The following LDLRAD3 variants were observed in gnomAD, a reference collection of about 807,000 sequenced individuals.
LDLRAD3 encodes the protein low-density lipoprotein receptor class A domain-containing protein 3.
In LDLRAD3, 20 loss-of-function variants were observed where a neutral mutation model predicts 29.4. That is an observed-to-expected ratio of 0.68 (90% confidence interval 0.48 to 0.99). LDLRAD3 has a LOEUF of 0.99. Among genes scored for constraint, LDLRAD3 ranks in the 50% least tolerant of loss-of-function variants. LDLRAD3 has a pLI of 0.00. For synonymous variants in LDLRAD3, 157 were observed against 192.7 expected (o/e 0.81, Z 1.53); for missense variants, 420 against 454.3 (o/e 0.92, Z 0.69).
chr11:36,151,685 A>G (rs1356211798), intron 4 of LDLRAD3, among the ~76,000 whole-genome samples: 2 of 152,124 alleles, frequency 1.3e-5, no homozygotes, highest in Non-Finnish European at 2.9e-5. Context: ...ATAAATGTAT[A>G]TTGGTCAAAA....
intron 4 of LDLRAD3, among the ~76,000 whole-genome samples, chr11:36,141,342 G>A (rs1463083160): frequency 6.6e-6 from 1 of 152,102 alleles, no homozygotes; most frequent in Non-Finnish European, 1.5e-5. Context: ...CGTTTGTTTT[G>A]TAAAAACTCC....
chr11:36,171,502 C>A (rs1854598188), intron 4 of LDLRAD3, among the ~76,000 whole-genome samples: 1 of 152,152 alleles, frequency 6.6e-6, no homozygotes, highest in Admixed American at 6.5e-5. Context: ...CAGTTTCATT[C>A]TTTTACATGA....
chr11:35,991,612 T>TGG (rs1182806159), intron 1 of LDLRAD3, among the ~76,000 whole-genome samples: 2 of 152,178 alleles, frequency 1.3e-5, no homozygotes, highest in Non-Finnish European at 2.9e-5. Flanking sequence ...TTCCAACAAC[T>TGG]GGGTCTCTGT....
intron 1 of LDLRAD3, among the ~76,000 whole-genome samples, chr11:35,957,436 C>T (rs1197424985): frequency 1.3e-5 from 2 of 152,174 alleles, no homozygotes; most frequent in African/African-American, 4.8e-5. Context: ...TTACCTGGCC[C>T]CTCTGCTTTT....
chr11:36,216,898 G>C (rs1215512864), intron 4 of LDLRAD3, among the ~76,000 whole-genome samples: 1 of 152,198 alleles, frequency 6.6e-6, no homozygotes, highest in East Asian at 1.9e-4. Context: ...AGATGTTCAG[G>C]ATAAATGGGA....
intron 3 of LDLRAD3, among the ~76,000 whole-genome samples, chr11:36,092,525 C>T (rs1008076336): frequency 2.0e-5 from 3 of 152,138 alleles, no homozygotes; most frequent in Non-Finnish European, 4.4e-5. Flanking sequence ...CCTCCCTTCC[C>T]CCTGCTCACC....
chr11:36,167,508 C>T (rs947007446), intron 4 of LDLRAD3, among the ~76,000 whole-genome samples: 2 of 148,860 alleles, frequency 1.3e-5, no homozygotes, highest in Non-Finnish European at 3.0e-5. Context: ...GAGACACAGA[C>T]TCACAGGACC....
At chr11:36,034,877 G>A (rs1347142451) in intron 1 of LDLRAD3, among the ~76,000 whole-genome samples, 1 of 152,208 alleles carries the variant, frequency 6.6e-6, no homozygotes, top group Non-Finnish European at 1.5e-5. Flanking sequence ...ACGCATAAAG[G>A]ATAGTGGCCT....
At chr11:36,166,862 G>A (rs1187446522) in intron 4 of LDLRAD3, among the ~76,000 whole-genome samples, 3 of 152,186 alleles carry the variant, frequency 2.0e-5, no homozygotes, top group East Asian at 3.9e-4. Flanking sequence ...AGATGCCGCT[G>A]CTGCTGATCC....
intron 4 of LDLRAD3, among the ~76,000 whole-genome samples, chr11:36,205,436 A>AT (rs1855193399): frequency 6.6e-6 from 1 of 152,178 alleles, no homozygotes; most frequent in Admixed American, 6.5e-5. Context: ...AGGGCTGTTG[A>AT]AGGACTTTTA....
intron 2 of LDLRAD3, among the ~76,000 whole-genome samples, chr11:36,075,559 C>T (rs1327957747): frequency 6.6e-6 from 1 of 152,188 alleles, no homozygotes; most frequent in Non-Finnish European, 1.5e-5. Flanking sequence ...GATACTTTGA[C>T]ACTGTGCATA....
rs202137501 is a variant in LDLRAD3 at position 36,170,313 on chromosome 11, C to T, written c.455-56772C>T. Among the ~76,000 whole-genome samples, 27 of 145,556 alleles carry T rather than the reference C, an allele frequency of 1.9e-4. 1 individual carries two copies. Among genetic ancestry groups the T allele is most frequent in the African/African-American group, 3.5e-4 (14 of 39,608 alleles). ...ATACACACATATATATACATATATACGTATATATGTATATATGTACGTATA... is the reference window on the plus strand; with the variant it reads ...ATACACACATATATATACATATATATGTATATATGTATATATGTACGTATA... On this transcript the variant is annotated intron_variant, in intron 4 of 5. Transcript: ENST00000315571.
intron 1 of LDLRAD3, among the ~76,000 whole-genome samples, chr11:35,969,125 T>C (rs1041315320): frequency 2.6e-5 from 4 of 152,112 alleles, no homozygotes; most frequent in African/African-American, 9.7e-5. Flanking sequence ...AAGAAATCCC[T>C]AATATTCCAG....
At chr11:35,962,914 TA>T (rs889504383) in intron 1 of LDLRAD3, among the ~76,000 whole-genome samples, 1 of 152,130 alleles carries the variant, frequency 6.6e-6, no homozygotes, top group Non-Finnish European at 1.5e-5. Flanking sequence ...TGAGTGAAGA[TA>T]TGGAAATAAT....
chr11:36,183,917 T>G (rs187913075), intron 4 of LDLRAD3: 1 of 237,052 alleles, frequency 4.2e-6, no homozygotes, highest in Non-Finnish European at 8.6e-6. Context: ...ACAGTATTTT[T>G]CACTTCTAGA....
chr11:36,012,490 ACTCTTCTT>A (rs1851968669), intron 1 of LDLRAD3, among the ~76,000 whole-genome samples: 1 of 152,096 alleles, frequency 6.6e-6, no homozygotes, highest in South Asian at 2.1e-4. Context: ...TACCAGCATC[ACTCTTCTT>A]GTGCTTTGGG....
chr11:36,121,920 G>A (rs1354141796), intron 4 of LDLRAD3, among the ~76,000 whole-genome samples: 3 of 152,200 alleles, frequency 2.0e-5, no homozygotes, highest in African/African-American at 7.2e-5. Flanking sequence ...CTCGCGGCAT[G>A]CCAGGCACTG....
At chr11:35,990,038 G>T (rs1851667886) in intron 1 of LDLRAD3, among the ~76,000 whole-genome samples, 1 of 152,176 alleles carries the variant, frequency 6.6e-6, no homozygotes, top group Non-Finnish European at 1.5e-5. Flanking sequence ...GAGTTATACA[G>T]CCTAGGGGCC....
chr11:36,070,820 CT>C (rs1852888285), intron 2 of LDLRAD3, among the ~76,000 whole-genome samples: 1 of 152,136 alleles, frequency 6.6e-6, no homozygotes, highest in South Asian at 2.1e-4. Context: ...ATGGGGAATT[CT>C]GGAGAAATAC....
Sources: allele counts gnomAD v4.1 joint callset (sites outside exome capture counted in the v4.1 genomes callset), GRCh38; gene constraint gnomAD v4.1.1; transcripts MANE v1.5; gene names NCBI Gene and HGNC (gene_info 2026-07-23, HGNC 2026-07-21).